Variants in VWC2 observed in about 807,000 individuals in gnomAD.
VWC2 encodes the protein von Willebrand factor C domain containing 2, also known as brorin.
Under a neutral mutation model 29.8 loss-of-function variants are expected in VWC2, and 14 were observed. That is an observed-to-expected ratio of 0.47 (90% CI 0.31 to 0.74). VWC2 has a LOEUF of 0.74. VWC2 is among the 30% of genes least tolerant of loss of function. The pLI is 0.05. For synonymous variants in VWC2, 213 were observed against 199.0 expected (o/e 1.07, Z -0.59); for missense variants, 457 against 459.8 (o/e 0.99, Z 0.05).
At chr7:49,829,682 C>T (rs1789482481) in intron 3 of VWC2, among the ~76,000 whole-genome samples, 1 of 152,232 alleles carries the variant, frequency 6.6e-6, no homozygotes, top group East Asian at 1.9e-4. Flanking sequence ...CCTAAACAGC[C>T]TTCTTCCTCT....
chr7:49,797,934 A>G (rs756033352), intron 2 of VWC2, among the ~76,000 whole-genome samples: 33 of 152,248 alleles, frequency 2.2e-4, no homozygotes, highest in Non-Finnish European at 4.0e-4. Flanking sequence ...TATTCTATGT[A>G]AAATGTAGGT....
At chr7:49,910,149 G>T (rs1473842426) in intron 3 of VWC2, among the ~76,000 whole-genome samples, 1 of 152,070 alleles carries the variant, frequency 6.6e-6, no homozygotes, top group Non-Finnish European at 1.5e-5. Flanking sequence ...AGAGTTCAGG[G>T]AGGGAGAAGG....
intron 3 of VWC2, among the ~76,000 whole-genome samples, chr7:49,852,510 T>G (rs563597635): frequency 1.1e-4 from 17 of 152,150 alleles, no homozygotes; most frequent in Non-Finnish European, 2.2e-4. Flanking sequence ...ACCTTTATAC[T>G]TCTTAAAATT....
chr7:49,786,834 GTTAT>G (rs779638708), intron 2 of VWC2, among the ~76,000 whole-genome samples: 1 of 152,104 alleles, frequency 6.6e-6, no homozygotes, highest in Non-Finnish European at 1.5e-5. Flanking sequence ...GGAGTTATTT[GTTAT>G]TTGTTTGCTG....
At chr7:49,860,012 G>T (rs1373378308) in intron 3 of VWC2, among the ~76,000 whole-genome samples, 1 of 151,596 alleles carries the variant, frequency 6.6e-6, no homozygotes, top group Non-Finnish European at 1.5e-5. Flanking sequence ...ATTTAATTAG[G>T]TACTCTTTAA....
chr7:49,773,961 C>A lies in VWC2; in HGVS notation c.-256C>A, dbSNP rs1461221045. The A allele has an allele frequency of 1.3e-5, 2 of 152,128 alleles. No individual in the cohort carries two copies. Among genetic ancestry groups the A allele is most frequent in the African/African-American group, 2.4e-5 (1 of 41,548 alleles). The allele number at this position is 152,128 out of a possible 1,614,324, so 9.4% of individuals were successfully genotyped here. ...GCCCTAGCCCGGTGTGCGCGCCAGG[C>A]GGAGCGCGCAGGTGGGGCTGGGCTG... is the stretch of plus-strand genomic sequence containing the variant. On this transcript the variant is annotated 5_prime_UTR_variant, in exon 1 of 4. Transcript: ENST00000340652.
intron 3 of VWC2, among the ~76,000 whole-genome samples, chr7:49,903,364 A>AC (rs1243579634): frequency 1.3e-5 from 2 of 152,238 alleles, no homozygotes. Context: ...TTAAATTATT[A>AC]AACTGTGGTA....
Position 49,839,005 on chromosome 7 carries a change from C to T in VWC2, c.826+36165C>T, listed in dbSNP as rs373490226. Among the ~76,000 whole-genome samples the T allele has an allele frequency of 2.8e-3, 420 of 152,170 alleles. 2 individuals are homozygous for T. Among genetic ancestry groups the T allele is most frequent in the African/African-American group, 9.7e-3 (403 of 41,504 alleles). On this transcript the variant is annotated intron_variant, in intron 3 of 3. Coordinates refer to ENST00000340652, the MANE Select transcript of VWC2 (RefSeq NM_198570.5). ...AGGTGATAAAGTGTAAATGATTTCC[C>T]GATGGTAGGGCCCTTCTCTGATAGG...
chr7:49,840,635 T>C (rs1345921940), intron 3 of VWC2, among the ~76,000 whole-genome samples: 1 of 152,158 alleles, frequency 6.6e-6, no homozygotes, highest in Non-Finnish European at 1.5e-5. Context: ...ATAAGGAGTA[T>C]TGGTTTGATT....
At chr7:49,826,146 C>A (rs1210821823) in intron 3 of VWC2, among the ~76,000 whole-genome samples, 1 of 152,146 alleles carries the variant, frequency 6.6e-6, no homozygotes, top group Non-Finnish European at 1.5e-5. Flanking sequence ...GGTTTTCTGC[C>A]TGCTTTTGGT....
At chr7:49,888,911 C>CA (rs925441856) in intron 3 of VWC2, among the ~76,000 whole-genome samples, 5 of 149,714 alleles carry the variant, frequency 3.3e-5, no homozygotes, top group African/African-American at 7.4e-5. Flanking sequence ...GACTTCATCT[C>CA]AAAAAAAACA....
intron 3 of VWC2, among the ~76,000 whole-genome samples, chr7:49,822,428 GTTTTTGT>G (rs1202196333): frequency 6.6e-6 from 1 of 151,992 alleles, no homozygotes; most frequent in Non-Finnish European, 1.5e-5. Flanking sequence ...CTCACTGTGG[GTTTTTGT>G]TTTTTGTTTT....
At chr7:49,864,571 G>T (rs138989542) in intron 3 of VWC2, among the ~76,000 whole-genome samples, 1 of 152,118 alleles carries the variant, frequency 6.6e-6, no homozygotes, top group East Asian at 1.9e-4. Flanking sequence ...TTTTGGCCTG[G>T]GTAGTTGGCT....
chr7:49,791,999 G>A (rs1367081724), intron 2 of VWC2, among the ~76,000 whole-genome samples: 1 of 152,156 alleles, frequency 6.6e-6, no homozygotes, highest in Non-Finnish European at 1.5e-5. Flanking sequence ...TAGGTGCAGT[G>A]GTGGAAGGGC....
intron 3 of VWC2, among the ~76,000 whole-genome samples, chr7:49,852,486 C>T (rs1368188280): frequency 4.6e-5 from 7 of 152,176 alleles, no homozygotes. Context: ...TAATTTCTTT[C>T]CATCTTTAAA....
intron 3 of VWC2, among the ~76,000 whole-genome samples, chr7:49,870,687 G>A (rs567278164): frequency 6.6e-6 from 1 of 152,296 alleles, no homozygotes; most frequent in Non-Finnish European, 1.5e-5. Flanking sequence ...GAAGAGTTGG[G>A]AAACCATGAC....
intron 3 of VWC2, among the ~76,000 whole-genome samples, chr7:49,840,991 G>A (rs538072310): frequency 6.6e-6 from 1 of 152,346 alleles, no homozygotes; most frequent in South Asian, 2.1e-4. Context: ...AGAAGAGCTA[G>A]AAGGAATACC....
intron 2 of VWC2, among the ~76,000 whole-genome samples, chr7:49,781,696 CGGAAAAA>C (rs1363571823): frequency 6.6e-6 from 1 of 151,956 alleles, no homozygotes; most frequent in Non-Finnish European, 1.5e-5. Flanking sequence ...TTCAGGTACC[CGGAAAAA>C]GGAAAAGTTA....
In VWC2 at chr7:49,854,117, A is replaced by T. The variant is rs952152292; in HGVS notation, c.826+51277A>T. Among the ~76,000 whole-genome samples the T allele has an allele frequency of 5.9e-5, 9 of 152,086 alleles. 1 individual carries two copies. The South Asian group carries it at 1.7e-3, about 28-fold the overall frequency. On this transcript the variant is annotated intron_variant, in intron 3 of 3. Coordinates refer to ENST00000340652, the MANE Select transcript of VWC2 (RefSeq NM_198570.5). ...ATTTTCTTAATCCAGTCTATCATTGATGGACATTTGGGTTGGTTCCAAGTC... is the reference window on the plus strand; with the variant it reads ...ATTTTCTTAATCCAGTCTATCATTGTTGGACATTTGGGTTGGTTCCAAGTC...
Sources: allele counts gnomAD v4.1 joint callset (sites outside exome capture counted in the v4.1 genomes callset), GRCh38; gene constraint gnomAD v4.1.1; transcripts MANE v1.5; gene names NCBI Gene and HGNC (gene_info 2026-07-23, HGNC 2026-07-21).